The following ESR1 variants were observed in gnomAD, a reference collection of about 807,000 sequenced individuals.
ESR1 encodes estrogen receptor.
Under a neutral mutation model 52.7 loss-of-function variants are expected in ESR1, and 12 were observed. The observed-to-expected ratio is 0.23, with a 90% CI of 0.15 to 0.37. ESR1 has a LOEUF of 0.37. Ranked by LOEUF, ESR1 falls within the 10% of genes least tolerant of loss-of-function variation. The pLI, the probability that ESR1 is intolerant of heterozygous loss-of-function variation, is 1.00. For missense variants in ESR1, 584 were observed against 779.7 expected (o/e 0.75, Z 2.99); for synonymous variants, 305 against 316.8 (o/e 0.96, Z 0.39).
chr6:151,870,071 TA>T (rs1385736456), intron 2 of ESR1, among the ~76,000 whole-genome samples: 1 of 152,266 alleles, frequency 6.6e-6, no homozygotes, highest in East Asian at 1.9e-4. Context: ...GCATTGGCTG[TA>T]AATTGGAGAT....
At chr6:151,899,315 TCCC>T in intron 3 of ESR1, among the ~76,000 whole-genome samples, 1 of 108,544 alleles carries the variant, frequency 9.2e-6, no homozygotes, top group African/African-American at 3.9e-5. Context: ...CCCCCCCACC[TCCC>T]TCCCGGACGG....
At chr6:151,824,925 A>AG (rs1781232710) in intron 1 of ESR1, among the ~76,000 whole-genome samples, 1 of 152,108 alleles carries the variant, frequency 6.6e-6, no homozygotes, top group Non-Finnish European at 1.5e-5. Context: ...CATCTCAAAA[A>AG]AAAAAAGAAA....
chr6:151,703,731 T>C (rs1467609233), intron 2 of ESR1, among the ~76,000 whole-genome samples: 1 of 152,136 alleles, frequency 6.6e-6, no homozygotes, highest in Non-Finnish European at 1.5e-5. Context: ...TCACTGGGGG[T>C]ATGGATCTCA....
Position 152,058,399 on chromosome 6 carries a change from G to A in ESR1, c.1236-2592G>A, listed in dbSNP as rs556263495. On this transcript the variant is annotated intron_variant, in intron 5 of 7. Transcript: ENST00000206249. Reference sequence around the variant, plus strand: ...GATTTTCAAAGTCAAAGCAAAATGCGCATGGCAGTTTTTTTCTGACTCCTT... The same window carrying A: ...GATTTTCAAAGTCAAAGCAAAATGCACATGGCAGTTTTTTTCTGACTCCTT... Among the ~76,000 whole-genome samples, 12 of 152,184 alleles carry A rather than the reference G, an allele frequency of 7.9e-5. No individual in the cohort carries two copies. In the East Asian group the frequency reaches 1.4e-3, roughly 17 times the overall value.
intron 4 of ESR1, among the ~76,000 whole-genome samples, chr6:151,958,066 G>A (rs2037205799): frequency 6.6e-6 from 1 of 152,154 alleles, no homozygotes; most frequent in Non-Finnish European, 1.5e-5. Context: ...TAAAAGGAAC[G>A]CTGAAAATAC....
intron 1 of ESR1, among the ~76,000 whole-genome samples, chr6:151,693,983 A>G (rs977165644): frequency 1.3e-5 from 2 of 152,192 alleles, no homozygotes; most frequent in African/African-American, 4.8e-5. Context: ...CTCTGGCCCC[A>G]TAACATATGT....
At chr6:152,003,816 C>A (rs1364917171) in intron 4 of ESR1, among the ~76,000 whole-genome samples, 1 of 151,788 alleles carries the variant, frequency 6.6e-6, no homozygotes, top group African/African-American at 2.4e-5. Context: ...AAAGAATATA[C>A]CCAGTATTTT....
intron 1 of ESR1, among the ~76,000 whole-genome samples, chr6:151,669,189 ATGGGAATCCAG>A (rs1777956428): frequency 3.8e-4 from 33 of 87,092 alleles, no homozygotes; most frequent in Non-Finnish European, 6.0e-4. Context: ...AGAGAGAGAG[ATGGGAATCCAG>A]GGGAGAACAG....
At chr6:152,039,269 A>G (rs930087129) in intron 5 of ESR1, among the ~76,000 whole-genome samples, 3 of 151,980 alleles carry the variant, frequency 2.0e-5, no homozygotes, top group Non-Finnish European at 4.4e-5. Flanking sequence ...AGTTGTTGTC[A>G]TTTTTTATTG....
At chr6:152,117,829 G>T (rs2051227531) in intron 6 of ESR1, among the ~76,000 whole-genome samples, 1 of 152,116 alleles carries the variant, frequency 6.6e-6, no homozygotes, top group Non-Finnish European at 1.5e-5. Flanking sequence ...AAACTTCAAG[G>T]GACAGGTTAG....
intron 2 of ESR1, among the ~76,000 whole-genome samples, chr6:151,879,013 A>G (rs1288867565): frequency 6.6e-6 from 1 of 152,114 alleles, no homozygotes; most frequent in Non-Finnish European, 1.5e-5. Flanking sequence ...TTTGGTGATG[A>G]TGGAAGCCAT....
chr6:152,030,835 A>G (rs537338403), intron 5 of ESR1, among the ~76,000 whole-genome samples: 2 of 152,366 alleles, frequency 1.3e-5, no homozygotes, highest in South Asian at 4.1e-4. Flanking sequence ...CAGATTATAC[A>G]TTCTTCTCAG....
intron 2 of ESR1, among the ~76,000 whole-genome samples, chr6:151,763,634 T>A (rs1784823923): frequency 6.6e-6 from 1 of 152,126 alleles, no homozygotes; most frequent in Non-Finnish European, 1.5e-5. Flanking sequence ...AATGCAGACG[T>A]CCAGTCTTGG....
chr6:151,710,957 G>T (rs1780557830), intron 2 of ESR1, among the ~76,000 whole-genome samples: 1 of 152,102 alleles, frequency 6.6e-6, no homozygotes, highest in African/African-American at 2.4e-5. Context: ...TCATTGATGG[G>T]CATTTGGGTT....
In ESR1 at chr6:151,925,128, T is replaced by TTTTGTTTGTTTG. The variant is rs560240212; in HGVS notation, c.761-19037_761-19026dup. On this transcript the variant is annotated intron_variant, in intron 3 of 7. Coordinates refer to ENST00000206249, the MANE Select transcript of ESR1 (RefSeq NM_000125.4). ...CATAACCTCCCCAGCATCTGGTTTT[T>TTTTGTTTGTTTG]TTTGTTTGTTTGTTTGTTTTTTTAG... is the stretch of plus-strand genomic sequence containing the variant. Among the ~76,000 whole-genome samples the TTTTGTTTGTTTG allele has an allele frequency of 1.4e-4, 21 of 149,270 alleles. No homozygotes were observed. The South Asian group carries it at 3.8e-3, about 27-fold the overall frequency.
At chr6:151,780,376 G>GAAAAAA (rs199984940) in intron 2 of ESR1, among the ~76,000 whole-genome samples, 2,442 of 151,444 alleles carry the variant, frequency 0.016, 69 homozygotes, top group African/African-American at 0.056. Context: ...AAAAGAAAAA[G>GAAAAAA]AAAAAAAACC....
intron 2 of ESR1, among the ~76,000 whole-genome samples, chr6:151,799,232 AAGCTGCATGACCT>A (rs1481222015): frequency 5.9e-5 from 9 of 152,224 alleles, no homozygotes; most frequent in Admixed American, 5.9e-4. Flanking sequence ...CCAGTTCCTC[AAGCTGCATGACCT>A]TCAGCAAGTC....
intron 6 of ESR1, among the ~76,000 whole-genome samples, chr6:152,124,566 T>A (rs889060266): frequency 6.6e-6 from 1 of 152,248 alleles, no homozygotes; most frequent in African/African-American, 2.4e-5. Flanking sequence ...TCGATGTTTT[T>A]GTCTTCTACT....
upstream of ESR1, among the ~76,000 whole-genome samples, chr6:151,806,044 A>G (rs1260174131): frequency 6.6e-6 from 1 of 152,062 alleles, no homozygotes; most frequent in Non-Finnish European, 1.5e-5. Flanking sequence ...TGCTTTTTGC[A>G]TGTGTTTTAA....
Sources: allele counts gnomAD v4.1 joint callset (sites outside exome capture counted in the v4.1 genomes callset), GRCh38; gene constraint gnomAD v4.1.1; transcripts MANE v1.5; gene names NCBI Gene and HGNC (gene_info 2026-07-23, HGNC 2026-07-21).